The following NBEAL1 variants were observed in gnomAD, a reference collection of about 807,000 sequenced individuals.
NBEAL1 encodes neurobeachin like 1, also known as neurobeachin-like protein 1.
Under a neutral mutation model 351.3 loss-of-function variants are expected in NBEAL1, and 273 were observed. The observed-to-expected ratio is 0.78, with a 90% CI of 0.70 to 0.86. The LOEUF (loss-of-function observed/expected upper bound fraction) is 0.86, where lower values mean the gene tolerates loss of function less well. Ranked by LOEUF, NBEAL1 falls within the 40% of genes least tolerant of loss-of-function variation. NBEAL1 has a pLI of 0.00. For missense variants in NBEAL1, 2,961 were observed against 3,201.3 expected (o/e 0.92, Z 1.81); for synonymous variants, 1,050 against 1,086.4 (o/e 0.97, Z 0.66).
intron 2 of NBEAL1, among the ~76,000 whole-genome samples, chr2:203,030,243 T>C (rs192869806): frequency 7.4e-4 from 113 of 152,284 alleles, no homozygotes; most frequent in Middle Eastern, 3.4e-3. Flanking sequence ...CTTAAAAGCA[T>C]TGAAAAACTG....
rs1486943953 is a variant in NBEAL1 at position 203,138,249 on chromosome 2, A to G, written c.4653A>G (p.Leu1551=). 2 of 1,613,996 alleles carry G rather than the reference A, an allele frequency of 1.2e-6. No individual in the cohort carries two copies. The highest frequency in any genetic ancestry group is 1.7e-6 in the Non-Finnish European group (2 of 1,179,952). ...NPVTAENAFR[L]VLIIQDFLQS... ...TAACTGCTGAAAACGCCTTCCGACT[A>G]GTGCTGATCATACAGGACTTTCTTC... Residue 1551 remains leucine, a synonymous_variant, in exon 30 of 56, where the codon CTA becomes CTG. Transcript: ENST00000683969.
chr2:203,028,471 A>G lies in NBEAL1; in HGVS notation c.51+12036A>G, dbSNP rs181397770. Among the ~76,000 whole-genome samples the G allele has an allele frequency of 3.9e-5, 6 of 152,028 alleles. No individual in the cohort carries two copies. The East Asian group carries it at 9.6e-4, about 24-fold the overall frequency. On this transcript the variant is annotated intron_variant, in intron 2 of 55. Transcript: ENST00000683969. Reference sequence around the variant, plus strand: ...TCAGTTACAGAAAATCTCATTATTCAGAGACTTTTAGTTCTTTATGGATGT... The same window carrying G: ...TCAGTTACAGAAAATCTCATTATTCGGAGACTTTTAGTTCTTTATGGATGT...
chr2:203,026,227 C>T (rs931880086), intron 2 of NBEAL1, among the ~76,000 whole-genome samples: 7 of 152,038 alleles, frequency 4.6e-5, no homozygotes, highest in Non-Finnish European at 8.8e-5. Flanking sequence ...TTGTGTATAA[C>T]CACTTTAAAT....
chr2:203,102,175 G>T (rs756793326), intron 12 of NBEAL1, among the ~76,000 whole-genome samples: 6 of 152,176 alleles, frequency 3.9e-5, no homozygotes, highest in Admixed American at 2.0e-4. Flanking sequence ...CTGCAACTTT[G>T]CTCAAGTAGT....
intron 35 of NBEAL1, among the ~76,000 whole-genome samples, chr2:203,157,210 C>T (rs988255694): frequency 2.0e-5 from 3 of 152,054 alleles, no homozygotes; most frequent in African/African-American, 7.2e-5. Flanking sequence ...ATAATTGCCT[C>T]GGAATTATGT....
rs748222576 is a variant in NBEAL1 at position 203,199,334 on chromosome 2, C to T, written c.7129-4C>T. ...AATTTGAGTCTTCATATGTTCTTTT[C>T]CAGATAACAATAAGCATGAATTATG... On this transcript the variant is annotated splice_polypyrimidine_tract_variant and splice_region_variant and intron_variant, in intron 48 of 55. Transcript: ENST00000683969. The T allele has an allele frequency of 6.6e-7, 1 of 1,522,370 alleles. No individual in the cohort carries two copies. The highest frequency in any genetic ancestry group is 9.1e-7 in the Non-Finnish European group (1 of 1,102,574). The allele number at this position is 1,522,370 out of a possible 1,614,324, so 94.3% of individuals were successfully genotyped here. A position where few individuals can be genotyped will look rare whatever the true frequency, so the allele number is the denominator to read the frequency against.
intron 41 of NBEAL1, among the ~76,000 whole-genome samples, chr2:203,173,179 T>A (rs2064377446): frequency 6.6e-6 from 1 of 152,198 alleles, no homozygotes; most frequent in Non-Finnish European, 1.5e-5. Context: ...TATAACTTAA[T>A]AATCAAACAT....
chr2:203,178,682 C>T (rs1379719201), intron 42 of NBEAL1, among the ~76,000 whole-genome samples: 1 of 152,118 alleles, frequency 6.6e-6, no homozygotes, highest in Non-Finnish European at 1.5e-5. Flanking sequence ...ACATGACTTA[C>T]ATGAAATGTC....
intron 47 of NBEAL1, among the ~76,000 whole-genome samples, chr2:203,196,707 C>G (rs964285191): frequency 6.6e-6 from 1 of 152,048 alleles, no homozygotes; most frequent in Non-Finnish European, 1.5e-5. Flanking sequence ...TATCATTTAC[C>G]TAGTAAATAT....
intron 47 of NBEAL1, among the ~76,000 whole-genome samples, chr2:203,195,236 TGTA>T (rs2065207181): frequency 6.6e-6 from 1 of 152,066 alleles, no homozygotes; most frequent in Non-Finnish European, 1.5e-5. Context: ...TGAACAATAT[TGTA>T]GTAAGCATCA....
chr2:203,054,573 CTCTTTTTCTTTT>C (rs749553691), intron 4 of NBEAL1, among the ~76,000 whole-genome samples: 8 of 152,186 alleles, frequency 5.3e-5, no homozygotes, highest in Admixed American at 2.0e-4. Context: ...TACACCCAAC[CTCTTTTTCTTTT>C]TCTTTTTCTT....
chr2:203,140,200 T>G (rs1024952404), intron 31 of NBEAL1, among the ~76,000 whole-genome samples: 4 of 150,720 alleles, frequency 2.7e-5, no homozygotes, highest in Non-Finnish European at 1.5e-5. Flanking sequence ...CTATTTGGGG[T>G]GCTGAGGTAG....
At chr2:203,067,850 A>G (rs1344486196) in intron 6 of NBEAL1, among the ~76,000 whole-genome samples, 4 of 152,206 alleles carry the variant, frequency 2.6e-5, no homozygotes, top group East Asian at 1.9e-4. Flanking sequence ...TGCAATTTGT[A>G]TTGGCTTTAC....
chr2:203,199,877 G>C (rs780079016), intron 49 of NBEAL1, among the ~76,000 whole-genome samples: 19 of 151,862 alleles, frequency 1.3e-4, no homozygotes, highest in Non-Finnish European at 2.4e-4. Context: ...ATTTATATTG[G>C]TTTAAATACA....
intron 36 of NBEAL1, among the ~76,000 whole-genome samples, chr2:203,164,281 A>G (rs2064061937): frequency 6.6e-6 from 1 of 151,912 alleles, no homozygotes; most frequent in Non-Finnish European, 1.5e-5. Context: ...AATTGACTAG[A>G]TTCAGTAGTA....
chr2:203,093,161 G>T (rs1447543473), intron 10 of NBEAL1, among the ~76,000 whole-genome samples: 1 of 148,438 alleles, frequency 6.7e-6, no homozygotes, highest in Non-Finnish European at 1.5e-5. Flanking sequence ...GAACCCAGGA[G>T]GTGGAGGTTG....
chr2:203,185,848 CA>C (rs1387056349), intron 44 of NBEAL1, among the ~76,000 whole-genome samples: 1 of 152,194 alleles, frequency 6.6e-6, no homozygotes, highest in African/African-American at 2.4e-5. Flanking sequence ...AATGTTTAAG[CA>C]GTAACAGTAT....
chr2:203,030,439 C>T (rs1207185834), intron 2 of NBEAL1, among the ~76,000 whole-genome samples: 1 of 152,070 alleles, frequency 6.6e-6, no homozygotes, highest in Non-Finnish European at 1.5e-5. Flanking sequence ...TAGATTCCCC[C>T]AGAGTAAGTG....
At chr2:203,054,633 T>TTC (rs1390183432) in intron 4 of NBEAL1, among the ~76,000 whole-genome samples, 11 of 152,142 alleles carry the variant, frequency 7.2e-5, no homozygotes, top group African/African-American at 2.7e-4. Context: ...TGTGTATTGT[T>TTC]TCTTTTGATT....
Sources: allele counts gnomAD v4.1 joint callset (sites outside exome capture counted in the v4.1 genomes callset), GRCh38; gene constraint gnomAD v4.1.1; transcripts MANE v1.5; gene names NCBI Gene and HGNC (gene_info 2026-07-23, HGNC 2026-07-21).